Variants in PDE10A observed in about 807,000 individuals in gnomAD.
PDE10A encodes the protein phosphodiesterase 10A, also known as cAMP and cAMP-inhibited cGMP 3',5'-cyclic phosphodiesterase 10A.
A neutral mutation model predicts 97.7 loss-of-function variants in PDE10A; 39 were observed. The ratio of observed to expected loss-of-function variants is 0.40; its 90% CI spans 0.31 to 0.52. The LOEUF is 0.52. PDE10A is among the 20% of genes least tolerant of loss of function. PDE10A has a pLI of 0.56. For missense variants in PDE10A, 731 were observed against 1,047.8 expected, an observed-to-expected ratio of 0.70 and a Z score of 4.17; for synonymous variants, 371 against 376.8, an observed-to-expected ratio of 0.98 and a Z score of 0.18.
chr6:165,905,134 G>A (rs1015553274), intron 1 of PDE10A, among the ~76,000 whole-genome samples: 16 of 152,276 alleles, frequency 1.1e-4, no homozygotes, highest in African/African-American at 3.8e-4. Flanking sequence ...GTGTTATGCA[G>A]AGCCAAAGCC....
At chr6:165,927,647 C>CATATATATATATATATATAG (rs1782979172) in intron 1 of PDE10A, among the ~76,000 whole-genome samples, 2 of 73,238 alleles carry the variant, frequency 2.7e-5, no homozygotes, top group African/African-American at 1.2e-4. Flanking sequence ...ATGAGAATGA[C>CATATATATATATATATATAG]ATATATATAT....
At chr6:165,930,026 ATC>A (rs1783078100) in intron 1 of PDE10A, among the ~76,000 whole-genome samples, 1 of 149,196 alleles carries the variant, frequency 6.7e-6, no homozygotes, top group Non-Finnish European at 1.5e-5. Flanking sequence ...CCAGGCACAT[ATC>A]ACTCCAGAAA....
At position 165,507,388 on chromosome 6, in the gene PDE10A, T is replaced by C. The variant is rs527700639; in HGVS notation, c.995-25045A>G. Reference sequence around the variant, plus strand: ...CCTGACTTCCTACTCCTTAGTTCTGTCGTGAGGATTAAATAAGCTAACACA... The same window carrying C: ...CCTGACTTCCTACTCCTTAGTTCTGCCGTGAGGATTAAATAAGCTAACACA... On this transcript the variant is annotated intron_variant, in intron 2 of 21. Transcript: ENST00000539869. Among the ~76,000 whole-genome samples the C allele has an allele frequency of 1.7e-3, 261 of 152,206 alleles. 1 individual carries two copies. Among genetic ancestry groups the C allele is most frequent in the Non-Finnish European group, 2.5e-3 (171 of 68,008 alleles).
intron 2 of PDE10A, 96 bp downstream of exon 2, chr6:165,543,344 A>C: frequency 1.1e-6 from 1 of 943,160 alleles, no homozygotes; most frequent in Non-Finnish European, 1.5e-6. Context: ...ATATTTGTCT[A>C]CTTTATATTT....
chr6:165,771,343 A>G (rs1473545024), intron 1 of PDE10A, among the ~76,000 whole-genome samples: 1 of 152,152 alleles, frequency 6.6e-6, no homozygotes, highest in Non-Finnish European at 1.5e-5. Flanking sequence ...TCAACCACAC[A>G]GAGACACTGC....
At position 165,379,233 on chromosome 6, in the gene PDE10A, T is replaced by C; in HGVS notation, c.2744A>G (p.Tyr915Cys). 1 of 1,613,722 alleles carries C rather than the reference T, an allele frequency of 6.2e-7. No homozygotes were observed. Among genetic ancestry groups the C allele is most frequent in the African/African-American group, 1.3e-5 (1 of 75,044 alleles). The part of the protein sequence containing the change: ...FGNRKQLEEM[Y>C]QTGSLNLNNQ... Reference sequence around the variant, plus strand: ...ATTAAGGTTTAGTGATCCGGTCTGGTACATCTCTTCCAACTGCTTCCTGTT... The same window carrying C: ...ATTAAGGTTTAGTGATCCGGTCTGGCACATCTCTTCCAACTGCTTCCTGTT... Residue 915 changes from tyrosine (Y) to cysteine (C), a missense_variant, in exon 18 of 22, where the codon TAC becomes TGC. By Grantham distance (194) the Tyr-to-Cys change is radical (BLOSUM62 -2). Around this residue, in one of 8 missense-constraint regions of PDE10A, gnomAD observed 96 missense variants for 156.7 expected, o/e 0.61. Coordinates refer to ENST00000539869, the MANE Select transcript of PDE10A (RefSeq NM_001385079.1).
chr6:165,395,961 T>C (rs1786128368), intron 14 of PDE10A, among the ~76,000 whole-genome samples: 1 of 152,122 alleles, frequency 6.6e-6, no homozygotes, highest in South Asian at 2.1e-4. Context: ...AATTTGGAAG[T>C]TTAAATTTAT....
intron 1 of PDE10A, among the ~76,000 whole-genome samples, chr6:165,822,880 G>A (rs578162858): frequency 2.8e-4 from 42 of 151,970 alleles, no homozygotes; most frequent in Admixed American, 2.0e-3. Flanking sequence ...TGTTGCCCAG[G>A]CTGGAGGGCA....
chr6:165,752,247 G>C (rs1330819736), intron 1 of PDE10A, among the ~76,000 whole-genome samples: 3 of 151,854 alleles, frequency 2.0e-5, no homozygotes, highest in African/African-American at 7.3e-5. Flanking sequence ...TGCTCTGCAA[G>C]GAACAGTATC....
At chr6:165,595,351 A>G (rs142590829) in intron 1 of PDE10A, among the ~76,000 whole-genome samples, 1 of 152,358 alleles carries the variant, frequency 6.6e-6, no homozygotes, top group African/African-American at 2.4e-5. Context: ...TAGAGTTAAG[A>G]AAACTGGCTC....
At chr6:165,444,771 C>G (rs1013258689) in intron 5 of PDE10A, among the ~76,000 whole-genome samples, 3 of 151,960 alleles carry the variant, frequency 2.0e-5, no homozygotes, top group African/African-American at 7.2e-5. Flanking sequence ...TTTTTAAATT[C>G]TATTAGAACT....
At chr6:165,573,276 GTT>G (rs11288936) in intron 1 of PDE10A, among the ~76,000 whole-genome samples, 1,989 of 142,544 alleles carry the variant, frequency 0.014, 17 homozygotes, top group South Asian at 0.03. Context: ...TGATGTCTGG[GTT>G]TTTTTTTTTT....
At position 165,569,313 on chromosome 6, in the gene PDE10A, A is replaced by C. The variant is rs73250068; in HGVS notation, c.866-25745T>G. The stretch of plus-strand genomic sequence containing the variant: ...CCCTAATTGAGACTATTAAAAGCAC[A>C]GTGGAAACAGCCCATGTAACTGCCA... On this transcript the variant is annotated intron_variant, in intron 1 of 21. Coordinates refer to ENST00000539869, the MANE Select transcript of PDE10A (RefSeq NM_001385079.1). Among the ~76,000 whole-genome samples, 678 of 152,334 alleles carry C rather than the reference A, an allele frequency of 4.5e-3. 5 individuals are homozygous for C. Among genetic ancestry groups the C allele is most frequent in the African/African-American group, 0.016 (657 of 41,576 alleles).
At chr6:165,353,846 C>A (rs1262019843) in intron 18 of PDE10A, among the ~76,000 whole-genome samples, 2 of 152,090 alleles carry the variant, frequency 1.3e-5, no homozygotes, top group Non-Finnish European at 2.9e-5. Context: ...ATCATTAAGC[C>A]TGCATCCTAA....
chr6:165,843,612 C>G (rs969096631), intron 1 of PDE10A, among the ~76,000 whole-genome samples: 6 of 152,146 alleles, frequency 3.9e-5, no homozygotes. Flanking sequence ...GGACACCCAC[C>G]CCATCCCTGA....
rs181342300 is a variant in PDE10A, at chr6:165,463,757, T to C, written c.1024-13395A>G. 6.6e-5 allele frequency among the ~76,000 whole-genome samples: 10 copies of C among 152,344 alleles called. No homozygotes were observed. The East Asian group carries it at 1.9e-3, about 29-fold the overall frequency. ...CTGCAGCAGCACTGTGACATGTTCATGGCCATAAAGCCCACACTGGGAGGT... is the reference window on the plus strand; with the variant it reads ...CTGCAGCAGCACTGTGACATGTTCACGGCCATAAAGCCCACACTGGGAGGT... On this transcript the variant is annotated intron_variant, in intron 3 of 21. Transcript: ENST00000539869.
At chr6:165,608,420 T>G (rs1250360890) in intron 1 of PDE10A, among the ~76,000 whole-genome samples, 1 of 152,068 alleles carries the variant, frequency 6.6e-6, no homozygotes, top group African/African-American at 2.4e-5. Context: ...TTCATCTATG[T>G]CCCTACAAAG....
At chr6:165,585,289 C>T (rs565835053) in intron 1 of PDE10A, among the ~76,000 whole-genome samples, 3 of 152,226 alleles carry the variant, frequency 2.0e-5, no homozygotes, top group South Asian at 2.1e-4. Flanking sequence ...TATATGAGTG[C>T]CAAGTTTACA....
intron 1 of PDE10A, among the ~76,000 whole-genome samples, chr6:165,562,239 ATTTATAT>A (rs1784556759): frequency 6.6e-6 from 1 of 152,196 alleles, no homozygotes; most frequent in South Asian, 2.1e-4. Context: ...TATAAACCAA[ATTTATAT>A]TTAAAGGGTA....
Sources: allele counts gnomAD v4.1 joint callset (sites outside exome capture counted in the v4.1 genomes callset), GRCh38; gene constraint gnomAD v4.1.1; regional missense constraint gnomAD v4.1.1; transcripts MANE v1.5; gene names NCBI Gene and HGNC (gene_info 2026-07-23, HGNC 2026-07-21).